Variants in SERPINB12 observed in about 807,000 individuals in gnomAD.
SERPINB12 encodes serpin B12.
SERPINB12 carries 57 observed loss-of-function variants against 41.1 expected under a neutral mutation model. The observed-to-expected ratio is 1.39, with a 90% CI of 1.12 to 1.73. The LOEUF (loss-of-function observed/expected upper bound fraction) is 1.73, where lower values mean the gene tolerates loss of function less well. Among genes scored for constraint, SERPINB12 ranks in the 40% most tolerant of loss-of-function variants. The pLI is 0.00. For missense variants in SERPINB12, 536 were observed against 501.9 expected (o/e 1.07, Z -0.65); for synonymous variants, 180 against 181.3 (o/e 0.99, Z 0.06).
intron 1 of SERPINB12, among the ~76,000 whole-genome samples, chr18:63,551,136 G>A (rs1910516706): frequency 6.6e-6 from 1 of 151,810 alleles, no homozygotes; most frequent in Non-Finnish European, 1.5e-5. Flanking sequence ...GGTTGTAGTG[G>A]TGGGCGCCTG....
chr18:63,561,158 A>C lies in SERPINB12; in HGVS notation c.518A>C (p.Lys173Thr). The change falls in exon 5 of 8, where the codon AAA (lysine) becomes ACA (threonine). Residue 173 changes from lysine to threonine, a missense_variant. Coordinates refer to ENST00000382768, the MANE Select transcript of SERPINB12 (RefSeq NM_001307928.2). ...GTTGATTTCCAAAAAAACCCTGAAA[A>C]ATCCAGACAAGAGATTAACTTCTGG... Reference protein sequence around the residue: ...ESVDFQKNPEKSRQEINFWVE... With the variant: ...ESVDFQKNPETSRQEINFWVE... 1 of 1,613,452 alleles carries C rather than the reference A, an allele frequency of 6.2e-7. No homozygotes were observed. Among genetic ancestry groups the C allele is most frequent in the Non-Finnish European group, 8.5e-7 (1 of 1,179,438 alleles).
At chr18:63,541,122 T>C (rs181399748), upstream of SERPINB12, among the ~76,000 whole-genome samples, 368 of 152,310 alleles carry the variant, frequency 2.4e-3, 1 homozygote, top group African/African-American at 8.5e-3. Flanking sequence ...TTTTATTGCT[T>C]TGACAATTAT....
At chr18:63,541,966 G>C (rs1198240327), upstream of SERPINB12, among the ~76,000 whole-genome samples, 1 of 152,182 alleles carries the variant, frequency 6.6e-6, no homozygotes, top group African/African-American at 2.4e-5. Flanking sequence ...GAACCTCACA[G>C]TTTTGTCACT....
At chr18:63,520,805 G>A in the SERPINB12 span, among the ~76,000 whole-genome samples, 3 of 152,098 alleles carry the variant, frequency 2.0e-5, no homozygotes, top group Non-Finnish European at 4.4e-5. Flanking sequence ...CAGATGGTGA[G>A]GCCATTCTAC....
rs112829479 is a variant in SERPINB12 at position 63,565,373 on chromosome 18, G to A, written c.706-72G>A. On this transcript the variant is annotated intron_variant, in intron 6 of 7. Coordinates refer to ENST00000382768, the MANE Select transcript of SERPINB12 (RefSeq NM_001307928.2). Reference sequence around the variant, plus strand: ...TCATCTTTAGGAACCCCTGTCCTCCGTGAAGCTGGGGCCATATGAATTTGG... The same window carrying A: ...TCATCTTTAGGAACCCCTGTCCTCCATGAAGCTGGGGCCATATGAATTTGG... 6.6e-4 allele frequency: 940 copies of A among 1,418,962 alleles called. 8 individuals are homozygous for A. In the African/African-American group the frequency reaches 9.3e-3, roughly 14 times the overall value. 87.9% of individuals were successfully genotyped at this position (1,418,962 alleles called of 1,614,324 possible).
the SERPINB12 span, among the ~76,000 whole-genome samples, chr18:63,533,194 T>C: frequency 6.6e-6 from 1 of 152,160 alleles, no homozygotes; most frequent in Non-Finnish European, 1.5e-5. Flanking sequence ...GCCAGGCTGG[T>C]CTGGAACCCC....
At chr18:63,543,517 T>C (rs968519175) in intron 1 of SERPINB12, among the ~76,000 whole-genome samples, 4 of 152,312 alleles carry the variant, frequency 2.6e-5, no homozygotes, top group Non-Finnish European at 4.4e-5. Flanking sequence ...TTTACTGTAA[T>C]ACTGAAGGGC....
chr18:63,549,714 C>T (rs748898108), intron 1 of SERPINB12, among the ~76,000 whole-genome samples: 22 of 152,268 alleles, frequency 1.4e-4, no homozygotes, highest in South Asian at 4.2e-4. Context: ...AGGGAGTTCA[C>T]GGCCGTCCTG....
chr18:63,520,155 C>A, the SERPINB12 span, among the ~76,000 whole-genome samples: 2 of 152,174 alleles, frequency 1.3e-5, no homozygotes, highest in Non-Finnish European at 2.9e-5. Context: ...CATGAGTAAC[C>A]TTTTCCTTTC....
intron 1 of SERPINB12, among the ~76,000 whole-genome samples, chr18:63,544,232 CAG>C (rs1417824319): frequency 1.6e-4 from 25 of 152,130 alleles, no homozygotes; most frequent in Admixed American, 1.6e-3. Context: ...TTTACAAAAA[CAG>C]GCAGAGGGCT....
In SERPINB12 at chr18:63,551,628, G is replaced by A. The variant is rs114119877; in HGVS notation, c.-18-4514G>A. ...TATTCTGCTGATGATGGACATTTGC[G>A]TTGTTCCTGAGTTTTGGCTATTATG... On this transcript the variant is annotated intron_variant, in intron 1 of 7. Coordinates refer to ENST00000382768, the MANE Select transcript of SERPINB12 (RefSeq NM_001307928.2). 3.3e-3 allele frequency among the ~76,000 whole-genome samples: 506 copies of A among 152,196 alleles called. 2 individuals carry two copies. Among genetic ancestry groups the A allele is most frequent in the African/African-American group, 0.012 (492 of 41,532 alleles).
intron 1 of SERPINB12, among the ~76,000 whole-genome samples, chr18:63,542,946 T>A (rs1247394730): frequency 2.0e-5 from 3 of 152,200 alleles, no homozygotes; most frequent in African/African-American, 7.2e-5. Context: ...TCCAGCTCCA[T>A]CCATGTTGCT....
At position 63,564,016 on chromosome 18, in the gene SERPINB12, G is replaced by A; in HGVS notation, c.601G>A (p.Ala201Thr). The change falls in exon 6 of 8, where the codon GCT becomes ACT. Residue 201 changes from alanine (A) to threonine (T), a missense_variant. Transcript: ENST00000382768. ...ACTCTTCAGCAAGGACGCTATTAAT[G>A]CTGAGACTGTGCTGGTACTGGTGAA... ...KELFSKDAIN[A>T]ETVLVLVNAV... 6.2e-7 allele frequency: 1 copy of A among 1,613,814 alleles called. No individual in the cohort carries two copies. The highest frequency in any genetic ancestry group is 1.7e-5 in the Admixed American group (1 of 60,004).
At chr18:63,559,404 C>T (rs866153564) in intron 3 of SERPINB12, among the ~76,000 whole-genome samples, 174 bp from the exon 4 acceptor site, 1 of 152,140 alleles carries the variant, frequency 6.6e-6, no homozygotes, top group African/African-American at 2.4e-5. Flanking sequence ...GACCACTTCT[C>T]ACCCTCCATT....
At chr18:63,555,088 T>C (rs1192637751) in intron 1 of SERPINB12, among the ~76,000 whole-genome samples, 1 of 152,218 alleles carries the variant, frequency 6.6e-6, no homozygotes, top group Non-Finnish European at 1.5e-5. Flanking sequence ...CTCTTTCCTT[T>C]ATAAATGACA....
chr18:63,547,171 G>A (rs1910406187), intron 1 of SERPINB12, among the ~76,000 whole-genome samples: 1 of 152,136 alleles, frequency 6.6e-6, no homozygotes, highest in African/African-American at 2.4e-5. Flanking sequence ...TTGTCACCTC[G>A]CTCAGCCCCA....
rs1022059189 is a variant in SERPINB12, at chr18:63,552,117, G to A, written c.-18-4025G>A. On this transcript the variant is annotated intron_variant, in intron 1 of 7. Coordinates refer to ENST00000382768, the MANE Select transcript of SERPINB12 (RefSeq NM_001307928.2). Reference sequence around the variant, plus strand: ...GGAGGGGAAAGAAAATAATCAAGACGAGTGTGGGTTCTGCTATCTCTTTGT... The same window carrying A: ...GGAGGGGAAAGAAAATAATCAAGACAAGTGTGGGTTCTGCTATCTCTTTGT... 3.3e-5 allele frequency among the ~76,000 whole-genome samples: 5 copies of A among 152,166 alleles called. No individual in the cohort carries two copies. The East Asian group carries it at 9.6e-4, about 29-fold the overall frequency.
rs1049185813 is a variant in SERPINB12, at chr18:63,565,351, T to A, written c.706-94T>A. 11 of 1,206,512 alleles carry A rather than the reference T, an allele frequency of 9.1e-6. No individual in the cohort carries two copies. The Admixed American group carries it at 1.1e-4, about 12-fold the overall frequency. 74.7% of individuals were successfully genotyped at this position (1,206,512 alleles called of 1,614,324 possible). On this transcript the variant is annotated intron_variant, in intron 6 of 7. Coordinates refer to ENST00000382768, the MANE Select transcript of SERPINB12 (RefSeq NM_001307928.2). ...GGACTTCTCCTGCAGAACCTTCTCA[T>A]CTTTAGGAACCCCTGTCCTCCGTGA...
chr18:63,547,987 G>A (rs531890570), intron 1 of SERPINB12, among the ~76,000 whole-genome samples: 23 of 152,206 alleles, frequency 1.5e-4, no homozygotes, highest in Non-Finnish European at 3.1e-4. Flanking sequence ...TCACGGATGG[G>A]TACAAGGATG....
Sources: allele counts gnomAD v4.1 joint callset (sites outside exome capture counted in the v4.1 genomes callset), GRCh38; gene constraint gnomAD v4.1.1; transcripts MANE v1.5; gene names NCBI Gene and HGNC (gene_info 2026-07-23, HGNC 2026-07-21).